PPFIA4: variants seen among roughly 807,000 people sequenced by gnomAD.
PPFIA4 encodes PPFI scaffold protein A4.
PPFIA4 carries 98 observed loss-of-function variants against 145.7 expected under a neutral mutation model. The ratio of observed to expected loss-of-function variants is 0.67; its 90% CI spans 0.57 to 0.80. The LOEUF (loss-of-function observed/expected upper bound fraction) is 0.80, where lower values mean the gene tolerates loss of function less well. PPFIA4 is among the 30% of genes least tolerant of loss of function. The pLI, the probability that PPFIA4 is intolerant of heterozygous loss-of-function variation, is 0.00. For synonymous variants in PPFIA4, 628 were observed against 649.6 expected (o/e 0.97, Z 0.51); for missense variants, 1,457 against 1,632.7 (o/e 0.89, Z 1.85).
rs1661882046 is a variant in PPFIA4 at position 203,068,399 on chromosome 1, C to T, written c.3149-54C>T. On this transcript the variant is annotated intron_variant, in intron 26 of 29. Coordinates refer to ENST00000295706, the MANE Select transcript of PPFIA4 (RefSeq NM_001304331.2). The surrounding 1 kb of genome is among the most constrained non-coding windows in gnomAD (Gnocchi z 4.7). ...GAGCTCTGCTTCTGTCCTTGGAGGG[C>T]CCTTGATGAAACGTAGTATCTCCTT... 6.8e-7 allele frequency: 1 copy of T among 1,475,126 alleles called. No individual in the cohort carries two copies. Among genetic ancestry groups the T allele is most frequent in the South Asian group, 1.3e-5 (1 of 79,114 alleles). 91.4% of individuals were successfully genotyped at this position (1,475,126 alleles called of 1,614,324 possible).
chr1:203,052,568 G>A (rs1293451651), intron 14 of PPFIA4, among the ~76,000 whole-genome samples: 2 of 152,076 alleles, frequency 1.3e-5, no homozygotes, highest in African/African-American at 4.8e-5. Context: ...AGTCCGATGG[G>A]GGAGTCACAG....
At chr1:203,035,595 A>G (rs1377244099) in intron 1 of PPFIA4, 1 of 456,768 alleles carries the variant, frequency 2.2e-6, no homozygotes, top group Non-Finnish European at 4.4e-6. Context: ...CCCCTTGCAA[A>G]TGCTTGCTTT....
intron 6 of PPFIA4, 125 bp downstream of exon 6, chr1:203,044,910 C>T: frequency 1.2e-6 from 1 of 811,394 alleles, no homozygotes. Context: ...CTCTGATATT[C>T]CCCCTTCTCT....
chr1:203,035,381 C>T (rs1659164686), intron 1 of PPFIA4: 1 of 449,522 alleles, frequency 2.2e-6, no homozygotes, highest in South Asian at 1.6e-5. Flanking sequence ...GACCCAAATG[C>T]CCATCCCTCC....
chr1:203,027,185 T>G (rs1571641955), intron 1 of PPFIA4, among the ~76,000 whole-genome samples: 15 of 102,320 alleles, frequency 1.5e-4, no homozygotes, highest in East Asian at 5.6e-4. Flanking sequence ...GGCGGTGGGG[T>G]GGAAGGAGCG....
chr1:203,069,766 C>CG lies in PPFIA4; in HGVS notation c.3324+1138_3324+1139insG, dbSNP rs1271033979. 1.1e-3 allele frequency among the ~76,000 whole-genome samples: 147 copies of CG among 136,806 alleles called. 2 individuals carry two copies. The highest frequency in any genetic ancestry group is 3.7e-3 in the African/African-American group (140 of 37,990). The allele number at this position is 136,806 out of a possible 152,430, so 89.8% of individuals were successfully genotyped here. A position where few individuals can be genotyped will look rare whatever the true frequency, so the allele number is the denominator to read the frequency against. The stretch of plus-strand genomic sequence containing the variant: ...GGCATTCTGCAGTGACCCCCCCGCC[C>CG]CGCCCCCACCCCAACCAGTCAAAAT... On this transcript the variant is annotated intron_variant, in intron 27 of 29. Transcript: ENST00000295706.
chr1:203,049,826 GGAGAC>G, intron 13 of PPFIA4, 59 bp downstream of exon 13: 1 of 1,376,206 alleles, frequency 7.3e-7, no homozygotes, highest in Non-Finnish European at 9.6e-7. Flanking sequence ...CCGTGAGGAA[GGAGAC>G]TTCCTTCCAA....
At position 203,051,819 on chromosome 1, in the gene PPFIA4, C is replaced by T. The variant is rs1269579512; in HGVS notation, c.1562C>T (p.Thr521Ile). 1 of 1,613,890 alleles carries T rather than the reference C, an allele frequency of 6.2e-7. No individual in the cohort carries two copies. Among genetic ancestry groups the T allele is most frequent in the Non-Finnish European group, 8.5e-7 (1 of 1,179,870 alleles). ...ADVRFSLGTT[T>I]HAPPGVHRRY... ...GTGCGGTTCTCCCTGGGCACAACCACACACGCACCCCCAGGCGTGCATCGC... is the reference window on the plus strand; with the variant it reads ...GTGCGGTTCTCCCTGGGCACAACCATACACGCACCCCCAGGCGTGCATCGC... Residue 521 changes from threonine to isoleucine, a missense_variant, in exon 14 of 30, where the codon ACA (threonine) becomes ATA (isoleucine). This residue lies in a region of PPFIA4 where 848 missense variants were observed against 1,046.7 expected (regional missense o/e 0.81). Transcript: ENST00000295706.
At position 203,055,283 on chromosome 1, in the gene PPFIA4, T is replaced by C. The variant is rs1053985715; in HGVS notation, c.1830-149T>C. 41 of 1,011,770 alleles carry C rather than the reference T, an allele frequency of 4.1e-5. No individual in the cohort carries two copies. In the South Asian group the frequency reaches 4.1e-4, roughly 10 times the overall value. The allele number at this position is 1,011,770 out of a possible 1,614,324, so 62.7% of individuals were successfully genotyped here. ...AGTAGGCAAGCTAACAAGAAAGAGA[T>C]GTGTTTCTAAGCTCCAGTGGGACAG... On this transcript the variant is annotated intron_variant, in intron 15 of 29. Transcript: ENST00000295706. This position sits in a 1 kb window ranked among gnomAD's most constrained non-coding sequence, Gnocchi z 4.8.
In PPFIA4 at chr1:203,048,561, T is replaced by C. The variant is rs1197529161; in HGVS notation, c.1225-22T>C. ...GGTCCTCCCTGGGAGGGCGGCCTGG[T>C]GCGAGGCAGACGGCTGTGCAGGTGC... On this transcript the variant is annotated intron_variant, in intron 10 of 29. Coordinates refer to ENST00000295706, the MANE Select transcript of PPFIA4 (RefSeq NM_001304331.2). The surrounding 1 kb of genome is among the most constrained non-coding windows in gnomAD (Gnocchi z 5.8). The C allele has an allele frequency of 6.4e-7, 1 of 1,564,044 alleles. No individual in the cohort carries two copies. Among genetic ancestry groups the C allele is most frequent in the Admixed American group, 1.9e-5 (1 of 52,248 alleles).
At chr1:203,064,586 T>C (rs1184383987) in intron 25 of PPFIA4, among the ~76,000 whole-genome samples, 1 of 152,242 alleles carries the variant, frequency 6.6e-6, no homozygotes, top group Non-Finnish European at 1.5e-5. Context: ...GTGGGCAGAA[T>C]TTGGCCCACA....
intron 21 of PPFIA4, 137 bp downstream of exon 21, chr1:203,059,988 C>T: frequency 3.7e-6 from 3 of 813,240 alleles, no homozygotes; most frequent in South Asian, 1.6e-5. Context: ...TAGCATTTAG[C>T]CCCCCTCCCC....
Position 203,067,684 on chromosome 1 carries a change from T to C in PPFIA4, c.3051-11T>C. On this transcript the variant is annotated splice_polypyrimidine_tract_variant and intron_variant, in intron 25 of 29. Transcript: ENST00000295706. Reference sequence around the variant, plus strand: ...CACTGAGGCTCTGGCTTGGGGGCTGTGTGCCTGCAGAACCAGTCTTCAGTA... The same window carrying C: ...CACTGAGGCTCTGGCTTGGGGGCTGCGTGCCTGCAGAACCAGTCTTCAGTA... 6.2e-7 allele frequency: 1 copy of C among 1,613,208 alleles called. No homozygotes were observed. Among genetic ancestry groups the C allele is most frequent in the Non-Finnish European group, 8.5e-7 (1 of 1,179,290 alleles).
chr1:203,071,642 G>A, intron 27 of PPFIA4, 50 bp from the exon 28 acceptor site: 2 of 1,418,480 alleles, frequency 1.4e-6, no homozygotes, highest in Non-Finnish European at 2.0e-6. Context: ...CATAAAGGTA[G>A]TTAACTATAG....
At chr1:203,037,673 A>G (rs1009131308) in intron 1 of PPFIA4, among the ~76,000 whole-genome samples, 2 of 152,198 alleles carry the variant, frequency 1.3e-5, no homozygotes, top group Non-Finnish European at 2.9e-5. Flanking sequence ...GCCAGGCTCA[A>G]CGTATCAGCA....
chr1:203,046,000 G>A lies in PPFIA4; in HGVS notation c.1005+13G>A. 1.2e-6 allele frequency: 2 copies of A among 1,612,348 alleles called. No homozygotes were observed. The highest frequency in any genetic ancestry group is 2.7e-5 in the African/African-American group (2 of 75,022). On this transcript the variant is annotated intron_variant, in intron 8 of 29. Transcript: ENST00000295706. ...CCTGCACCGCCAGGTACCTCCTCAG[G>A]GTGGGGTGGGGATGGGCATTGTACT...
chr1:203,039,699 A>G (rs191661401), intron 2 of PPFIA4, among the ~76,000 whole-genome samples: 4 of 152,350 alleles, frequency 2.6e-5, no homozygotes, highest in East Asian at 1.9e-4. Flanking sequence ...GGCTGAATCT[A>G]GCAGCCAGAT....
chr1:203,061,238 T>C, intron 23 of PPFIA4: 3 of 600,980 alleles, frequency 5.0e-6, no homozygotes, highest in Non-Finnish European at 5.9e-6. Flanking sequence ...ATGTGTGTGA[T>C]CCTTCCCAGG....
intron 2 of PPFIA4, among the ~76,000 whole-genome samples, chr1:203,040,131 G>T (rs1172890988): frequency 6.6e-6 from 1 of 152,252 alleles, no homozygotes; most frequent in Admixed American, 6.5e-5. Context: ...GCTGCTGCTT[G>T]TCAAAGAAGC....
Sources: allele counts gnomAD v4.1 joint callset (sites outside exome capture counted in the v4.1 genomes callset), GRCh38; gene constraint gnomAD v4.1.1; regional missense constraint gnomAD v4.1.1; non-coding constraint Gnocchi (gnomAD v3.1); transcripts MANE v1.5; gene names NCBI Gene and HGNC (gene_info 2026-07-23, HGNC 2026-07-21).